The following NEDD4 variants were observed in gnomAD, a reference collection of about 807,000 sequenced individuals.
The protein encoded by NEDD4 is E3 ubiquitin-protein ligase NEDD4.
In NEDD4, 99 loss-of-function variants were observed where a neutral mutation model predicts 144.9. The ratio of observed to expected loss-of-function variants is 0.68; its 90% CI spans 0.58 to 0.81. NEDD4 has a LOEUF of 0.81. NEDD4 is among the 30% of genes least tolerant of loss of function. The probability of loss-of-function intolerance (pLI) is 0.00; values close to 1 mark genes in which losing one functional copy is unlikely to be tolerated. For synonymous variants in NEDD4, 318 were observed against 350.6 expected, an observed-to-expected ratio of 0.91 and a Z score of 1.04; for missense variants, 985 against 1,065.9, an observed-to-expected ratio of 0.92 and a Z score of 1.06.
intron 1 of NEDD4, among the ~76,000 whole-genome samples, chr15:55,976,854 C>T (rs1469649272): frequency 6.6e-6 from 1 of 151,968 alleles, no homozygotes; most frequent in Non-Finnish European, 1.5e-5. Context: ...AGGATGGTCT[C>T]GATCTCCTGA....
At chr15:55,919,067 A>ATC (rs2036521628) in intron 5 of NEDD4, among the ~76,000 whole-genome samples, 2 of 152,178 alleles carry the variant, frequency 1.3e-5, no homozygotes, top group South Asian at 4.1e-4. Flanking sequence ...GGTCAGATAA[A>ATC]TGTCTTCTCT....
At chr15:55,961,084 GA>G (rs2142320175) in intron 2 of NEDD4, among the ~76,000 whole-genome samples, 1 of 152,292 alleles carries the variant, frequency 6.6e-6, no homozygotes, top group Non-Finnish European at 1.5e-5. Context: ...ATTTTGGTAG[GA>G]ACAAACTGGA....
chr15:55,951,349 C>G (rs779870409), intron 4 of NEDD4, 27 bp downstream of exon 4: 1 of 846,554 alleles, frequency 1.2e-6, no homozygotes, highest in African/African-American at 1.8e-5. Context: ...ACTTTTTCCA[C>G]TTTAGTAAAA....
At chr15:55,922,498 G>T (rs1343199118) in intron 5 of NEDD4, among the ~76,000 whole-genome samples, 1 of 152,090 alleles carries the variant, frequency 6.6e-6, no homozygotes, top group Non-Finnish European at 1.5e-5. Flanking sequence ...AAGTAGCTGG[G>T]ACTACAGGTG....
chr15:55,893,137 A>G (rs1032280321), intron 5 of NEDD4, among the ~76,000 whole-genome samples: 4 of 152,186 alleles, frequency 2.6e-5, no homozygotes, highest in African/African-American at 7.2e-5. Flanking sequence ...AAGCACAGAT[A>G]AGTTTAAATA....
At chr15:55,915,701 T>C (rs1378263869) in intron 5 of NEDD4, 1 of 1,614,022 alleles carries the variant, frequency 6.2e-7, no homozygotes. Context: ...TGAAATGCAC[T>C]GAAACACAAG....
intron 27 of NEDD4, among the ~76,000 whole-genome samples, chr15:55,832,371 C>A (rs182585201): frequency 1.3e-5 from 2 of 152,226 alleles, no homozygotes; most frequent in African/African-American, 4.8e-5. Context: ...TAGTAACATT[C>A]TGTGAAACTT....
chr15:55,829,856 A>G lies in NEDD4; in HGVS notation c.*41T>C, dbSNP rs1419175420. On this transcript the variant is annotated 3_prime_UTR_variant, in exon 29 of 29. Transcript: ENST00000435532. ...ATTTTAAGTCAAGATTTTGGTTATA[A>G]AACTATGGCAGTAAAAACACTACAG... 1 of 1,496,490 alleles carries G rather than the reference A, an allele frequency of 6.7e-7. No homozygotes were observed. The highest frequency in any genetic ancestry group is 1.4e-5 in the African/African-American group (1 of 72,008). The allele number at this position is 1,496,490 out of a possible 1,614,324, so 92.7% of individuals were successfully genotyped here. A position where few individuals can be genotyped will look rare whatever the true frequency, so the allele number is the denominator to read the frequency against.
intron 5 of NEDD4, among the ~76,000 whole-genome samples, chr15:55,907,603 G>C (rs1595828461): frequency 6.6e-6 from 1 of 152,130 alleles, no homozygotes; most frequent in Admixed American, 6.5e-5. Flanking sequence ...AAGACGACTT[G>C]AGTTTCCAGT....
At chr15:55,946,024 C>A (rs2037106044) in intron 4 of NEDD4, among the ~76,000 whole-genome samples, 1 of 152,284 alleles carries the variant, frequency 6.6e-6, no homozygotes, top group African/African-American at 2.4e-5. Flanking sequence ...TGGAAGGGAA[C>A]AACCAGTACC....
chr15:55,937,018 C>A (rs188873945), intron 4 of NEDD4, among the ~76,000 whole-genome samples: 244 of 152,220 alleles, frequency 1.6e-3, no homozygotes, highest in Non-Finnish European at 2.2e-3. Context: ...GTCTTGAACT[C>A]CTGACCTCAG....
chr15:55,903,283 C>A (rs543451906), intron 5 of NEDD4, among the ~76,000 whole-genome samples: 1 of 152,168 alleles, frequency 6.6e-6, no homozygotes, highest in South Asian at 2.1e-4. Flanking sequence ...TCTCCCAGTG[C>A]CCGATGAGAG....
chr15:55,839,801 C>A (rs1164380478), intron 21 of NEDD4, among the ~76,000 whole-genome samples: 2 of 150,894 alleles, frequency 1.3e-5, no homozygotes, highest in African/African-American at 4.9e-5. Context: ...CACGGTGAAA[C>A]CCCGTCTCTA....
At chr15:55,926,787 A>C (rs536369948) in intron 4 of NEDD4, among the ~76,000 whole-genome samples, 13 of 151,986 alleles carry the variant, frequency 8.6e-5, no homozygotes, top group African/African-American at 2.7e-4. Context: ...CACACCCCCC[A>C]AAAAAAGGGT....
At position 55,862,972 on chromosome 15, in the gene NEDD4, T is replaced by C; in HGVS notation, c.615A>G (p.Gly205=). The change falls in exon 9 of 29, where the codon GGA becomes GGG. Residue 205 remains glycine (G), a synonymous_variant. Coordinates refer to ENST00000435532, the MANE Select transcript of NEDD4 (RefSeq NM_006154.4). ...ATTCATGGTTTACATAATAGGTCCT[T>C]CCAAGGATATCCTGCCTCTCTTCCC... is the stretch of plus-strand genomic sequence containing the variant. ...PGWEERQDIL[G]RTYYVNHESR... 3.7e-6 allele frequency: 6 copies of C among 1,608,258 alleles called. No individual in the cohort carries two copies. The highest frequency in any genetic ancestry group is 4.3e-6 in the Non-Finnish European group (5 of 1,175,984).
At chr15:55,964,882 C>T (rs60842073) in intron 2 of NEDD4, among the ~76,000 whole-genome samples, 2,833 of 152,044 alleles carry the variant, frequency 0.019, 79 homozygotes, top group African/African-American at 0.064. Context: ...TGCCCTCCCT[C>T]GGAAGTGAGT....
At chr15:55,993,448 C>T (rs1246704149) in intron 1 of NEDD4, 63 bp downstream of exon 1, 4 of 1,570,398 alleles carry the variant, frequency 2.5e-6, no homozygotes, top group South Asian at 1.1e-5. Flanking sequence ...CCGCTACCTC[C>T]CCGGGTCCGG....
At chr15:55,947,829 A>C (rs2037150901) in intron 4 of NEDD4, among the ~76,000 whole-genome samples, 1 of 152,186 alleles carries the variant, frequency 6.6e-6, no homozygotes, top group South Asian at 2.1e-4. Context: ...TTTATGACAA[A>C]CACATAGCCA....
intron 1 of NEDD4, among the ~76,000 whole-genome samples, chr15:55,982,504 A>G (rs1273110532): frequency 6.6e-6 from 1 of 152,218 alleles, no homozygotes; most frequent in Non-Finnish European, 1.5e-5. Context: ...AGAGTACATA[A>G]TGTACATTCC....
Sources: allele counts gnomAD v4.1 joint callset (sites outside exome capture counted in the v4.1 genomes callset), GRCh38; gene constraint gnomAD v4.1.1; transcripts MANE v1.5; gene names NCBI Gene and HGNC (gene_info 2026-07-23, HGNC 2026-07-21).